The following ATOH8 variants were observed in gnomAD, a reference collection of about 807,000 sequenced individuals.
ATOH8 encodes transcription factor ATOH8.
In ATOH8, 9 loss-of-function variants were observed where a neutral mutation model predicts 21.2. The ratio of observed to expected loss-of-function variants is 0.42; its 90% confidence interval spans 0.26 to 0.74. The LOEUF (loss-of-function observed/expected upper bound fraction) is 0.74, where lower values mean the gene tolerates loss of function less well. Among genes scored for constraint, ATOH8 ranks in the 30% least tolerant of loss-of-function variants. ATOH8 has a pLI of 0.24. For synonymous variants in ATOH8, 253 were observed against 224.0 expected, an observed-to-expected ratio of 1.13 and a Z score of -1.16; for missense variants, 524 against 470.9, an observed-to-expected ratio of 1.11 and a Z score of -1.04.
At chr2:85,755,064 C>G in intron 1 of ATOH8, 107 bp downstream of exon 1, 2 of 1,396,820 alleles carry the variant, frequency 1.4e-6, no homozygotes, top group Non-Finnish European at 1.9e-6. Flanking sequence ...GCAAGCTGCC[C>G]CGCCCGGTCC....
At chr2:85,774,411 A>G in intron 2 of ATOH8, 8 of 985,604 alleles carry the variant, frequency 8.1e-6, no homozygotes, top group South Asian at 4.7e-5. Context: ...TAAACAGGCC[A>G]TGCCCTTTCT....
chr2:85,781,029 A>C (rs1398262889), intron 2 of ATOH8: 3 of 987,862 alleles, frequency 3.0e-6, no homozygotes, highest in East Asian at 2.3e-4. Context: ...AACCTCTGCA[A>C]AGTCTGTCCC....
intron 2 of ATOH8, among the ~76,000 whole-genome samples, chr2:85,769,705 G>A (rs569782578): frequency 1.3e-5 from 2 of 152,252 alleles, no homozygotes; most frequent in Middle Eastern, 3.4e-3. Context: ...TGTAGGAGGG[G>A]CCCCCTTCTG....
Position 85,789,415 on chromosome 2 carries a change from T to G in ATOH8, c.*2525T>G, listed in dbSNP as rs1680707187. ...ATGATTATAGCAGATGACTAAGGTG[T>G]TGTCGGGAGCTTCAGGAAAGGAAGA... On this transcript the variant is annotated 3_prime_UTR_variant, in exon 3 of 3. Transcript: ENST00000306279. 6.6e-6 allele frequency among the ~76,000 whole-genome samples: 1 copy of G among 152,150 alleles called. No homozygotes were observed. Among genetic ancestry groups the G allele is most frequent in the South Asian group, 2.1e-4 (1 of 4,816 alleles).
chr2:85,780,033 C>T (rs1680441416), intron 2 of ATOH8, among the ~76,000 whole-genome samples: 1 of 152,146 alleles, frequency 6.6e-6, no homozygotes, highest in South Asian at 2.1e-4. Flanking sequence ...AGAGGAGGCA[C>T]CTGTTGTCCC....
chr2:85,765,001 A>G (rs1221292555), intron 2 of ATOH8, among the ~76,000 whole-genome samples: 1 of 152,138 alleles, frequency 6.6e-6, no homozygotes, highest in Non-Finnish European at 1.5e-5. Flanking sequence ...TGGCTGGGGA[A>G]ATGCATTTAG....
rs1283401585 is a variant in ATOH8 at position 85,788,831 on chromosome 2, C to T, written c.*1941C>T. ...GCCCTTTACCAAGGACCACAGTGTC[C>T]ATGCTGTCTTGGATCCCTAGGCTGG... On this transcript the variant is annotated 3_prime_UTR_variant, in exon 3 of 3. Transcript: ENST00000306279. Among the ~76,000 whole-genome samples the T allele has an allele frequency of 6.6e-6, 1 of 152,188 alleles. No homozygotes were observed. The highest frequency in any genetic ancestry group is 1.5e-5 in the Non-Finnish European group (1 of 68,030).
At chr2:85,769,648 A>C (rs1680125346) in intron 2 of ATOH8, among the ~76,000 whole-genome samples, 1 of 152,200 alleles carries the variant, frequency 6.6e-6, no homozygotes, top group African/African-American at 2.4e-5. Flanking sequence ...AGATGAAGGC[A>C]TATTGGATTT....
rs933609927 is a variant in ATOH8 at position 85,780,912 on chromosome 2, A to G, written c.961-5973A>G. 5.1e-6 allele frequency: 5 copies of G among 986,328 alleles called. No individual in the cohort carries two copies. In the Admixed American group the frequency reaches 3.1e-4, roughly 61 times the overall value. The allele number at this position is 986,328 out of a possible 1,614,324, so 61.1% of individuals were successfully genotyped here. A position where few individuals can be genotyped will look rare whatever the true frequency, so the allele number is the denominator to read the frequency against. ...TTCCTGCCTGTCACCCATGGCACCC[A>G]GGCCAGGCAGGCAGGAGGTGCTGGA... is the stretch of plus-strand genomic sequence containing the variant. On this transcript the variant is annotated intron_variant, in intron 2 of 2. Coordinates refer to ENST00000306279, the MANE Select transcript of ATOH8 (RefSeq NM_032827.7).
At chr2:85,762,434 T>G (rs138676232) in intron 1 of ATOH8, among the ~76,000 whole-genome samples, 1 of 152,232 alleles carries the variant, frequency 6.6e-6, no homozygotes, top group East Asian at 1.9e-4. Flanking sequence ...CTCATTGCCT[T>G]AATCAACAAA....
chr2:85,774,667 GCT>G (rs1163910481), intron 2 of ATOH8: 1 of 985,212 alleles, frequency 1.0e-6, no homozygotes, highest in Non-Finnish European at 1.2e-6. Flanking sequence ...CCCCTACTTA[GCT>G]CCCCTAAGGC....
chr2:85,772,910 G>C (rs2104521295), intron 2 of ATOH8: 1 of 435,814 alleles, frequency 2.3e-6, no homozygotes, highest in South Asian at 1.7e-5. Context: ...CCTCATTAGT[G>C]CTCCTGACAC....
chr2:85,789,104 A>C lies in ATOH8; in HGVS notation c.*2214A>C, dbSNP rs750781165. On this transcript the variant is annotated 3_prime_UTR_variant, in exon 3 of 3. Transcript: ENST00000306279. ...CAGCATCAAACTGTTGACATAGAAG[A>C]CCATTTCTATTACCAAAGGGAGTGT... 2.6e-5 allele frequency among the ~76,000 whole-genome samples: 4 copies of C among 152,134 alleles called. No homozygotes were observed. Among genetic ancestry groups the C allele is most frequent in the Non-Finnish European group, 2.9e-5 (2 of 68,026 alleles).
Position 85,773,009 on chromosome 2 carries a change from A to G in ATOH8, c.960+8827A>G. The G allele has an allele frequency of 1.1e-5, 4 of 365,308 alleles. No individual in the cohort carries two copies. In the East Asian group the frequency reaches 2.9e-4, roughly 27 times the overall value. The allele number at this position is 365,308 out of a possible 1,614,324, so 22.6% of individuals were successfully genotyped here. ...AGAAAACAGCTGGAGGGGACATGGG[A>G]GCAAGAAGGTGCTTGGGAGCGCATC... On this transcript the variant is annotated intron_variant, in intron 2 of 2. Transcript: ENST00000306279.
At chr2:85,768,618 G>A (rs1680091163) in intron 2 of ATOH8, among the ~76,000 whole-genome samples, 1 of 152,182 alleles carries the variant, frequency 6.6e-6, no homozygotes, top group Non-Finnish European at 1.5e-5. Flanking sequence ...TGCCCACTTG[G>A]GAGGTTGAGC....
chr2:85,777,272 A>G lies in ATOH8; in HGVS notation c.961-9613A>G, dbSNP rs147163660. Among the ~76,000 whole-genome samples the G allele has an allele frequency of 6.4e-4, 97 of 152,318 alleles. No homozygotes were observed. The East Asian group carries it at 0.015, about 24-fold the overall frequency. The stretch of plus-strand genomic sequence containing the variant: ...AGCCCACTGCACTTAGCCTGCATAC[A>G]GTTCTTACGAGCTTGACTCTCAGGC... On this transcript the variant is annotated intron_variant, in intron 2 of 2. Transcript: ENST00000306279.
intron 1 of ATOH8, among the ~76,000 whole-genome samples, chr2:85,762,002 C>A (rs1464369091): frequency 1.3e-5 from 2 of 151,746 alleles, no homozygotes; most frequent in Non-Finnish European, 1.5e-5. Flanking sequence ...AGTCTCAGCA[C>A]CCCCAGAGGG....
At chr2:85,755,071 G>A in intron 1 of ATOH8, 114 bp downstream of exon 1, 3 of 1,371,634 alleles carry the variant, frequency 2.2e-6, no homozygotes, top group Non-Finnish European at 2.9e-6. Flanking sequence ...GCCCCGCCCG[G>A]TCCGACCCTG....
rs1409190328 is a variant in ATOH8 at position 85,791,330 on chromosome 2, A to T, written c.*4440A>T. Among the ~76,000 whole-genome samples, 1 of 152,230 alleles carries T rather than the reference A, an allele frequency of 6.6e-6. No homozygotes were observed. The highest frequency in any genetic ancestry group is 1.5e-5 in the Non-Finnish European group (1 of 68,046). On this transcript the variant is annotated 3_prime_UTR_variant, in exon 3 of 3. Transcript: ENST00000306279. ...GAAACGGCTTTCTTGCAAAGTGTAT[A>T]TATTGGTTTCTTTGCTGAATGAATG...
Sources: gnomAD v4.1 joint callset for allele counts (sites outside exome capture counted in the v4.1 genomes callset) on GRCh38, gnomAD v4.1.1 for gene constraint, MANE v1.5 for transcripts, NCBI Gene and HGNC (gene_info 2026-07-23, HGNC 2026-07-21) for gene names.